RIMBP2: variants seen among roughly 807,000 people sequenced by gnomAD.
RIMBP2 encodes the protein RIMS-binding protein 2.
Under a neutral mutation model 118.6 loss-of-function variants are expected in RIMBP2, and 48 were observed. The observed-to-expected ratio is 0.40, with a 90% CI of 0.32 to 0.51. The LOEUF is 0.51. Ranked by LOEUF, RIMBP2 falls within the 20% of genes least tolerant of loss-of-function variation. The pLI is 0.41. For missense variants in RIMBP2, 1,551 were observed against 1,768.3 expected, an observed-to-expected ratio of 0.88 and a Z score of 2.20; for synonymous variants, 762 against 742.9, an observed-to-expected ratio of 1.03 and a Z score of -0.42.
intron 2 of RIMBP2, among the ~76,000 whole-genome samples, chr12:130,531,926 T>C (rs541329442): frequency 6.8e-6 from 1 of 147,900 alleles, no homozygotes; most frequent in South Asian, 2.2e-4. Context: ...TCTAATGAGA[T>C]GCGTATGTTT....
chr12:130,479,067 G>T, intron 4 of RIMBP2, 51 bp from the exon 5 acceptor site: 1 of 1,475,996 alleles, frequency 6.8e-7, no homozygotes, highest in Admixed American at 1.7e-5. Flanking sequence ...GTGCCCATGG[G>T]CGTGCATCCT....
chr12:130,506,187 G>A (rs559406567), intron 4 of RIMBP2, among the ~76,000 whole-genome samples: 1 of 152,070 alleles, frequency 6.6e-6, no homozygotes, highest in African/African-American at 2.4e-5. Flanking sequence ...CAGCTCATCA[G>A]GAATGCATGA....
intron 2 of RIMBP2, among the ~76,000 whole-genome samples, chr12:130,553,165 A>AG (rs113323991): frequency 0.13 from 19,658 of 150,040 alleles, 1,501 homozygotes; most frequent in Non-Finnish European, 0.19. Flanking sequence ...AAAAAAAAAA[A>AG]GAAAAGAAAA....
chr12:130,438,565 A>G (rs764463160), intron 11 of RIMBP2, 49 bp from the exon 12 acceptor site: 1 of 1,475,256 alleles, frequency 6.8e-7, no homozygotes, highest in Non-Finnish European at 9.0e-7. Flanking sequence ...CAGCCCTGGC[A>G]GGTGAGCCGT....
In RIMBP2 at chr12:130,525,698, G is replaced by T. The variant is rs2052705796; in HGVS notation, c.-216-7781C>A. Among the ~76,000 whole-genome samples, 1 of 152,158 alleles carries T rather than the reference G, an allele frequency of 6.6e-6. No homozygotes were observed. Among genetic ancestry groups the T allele is most frequent in the Non-Finnish European group, 1.5e-5 (1 of 68,028 alleles). ...GGGCACTTGGGGATGAGATCGTATGGGGGGAGATGACCCAAGGGGCTCATG... is the reference window on the plus strand; with the variant it reads ...GGGCACTTGGGGATGAGATCGTATGTGGGGAGATGACCCAAGGGGCTCATG... On this transcript the variant is annotated intron_variant, in intron 2 of 22. Coordinates refer to ENST00000690449, the MANE Select transcript of RIMBP2 (RefSeq NM_001393629.1). This position sits in a 1 kb window ranked among gnomAD's most constrained non-coding sequence, Gnocchi z 4.4.
At position 130,511,420 on chromosome 12, in the gene RIMBP2, G is replaced by A. The variant is rs549415066; in HGVS notation, c.-126-4650C>T. 1.3e-4 allele frequency among the ~76,000 whole-genome samples: 20 copies of A among 152,298 alleles called. No individual in the cohort carries two copies. Among genetic ancestry groups the A allele is most frequent in the Non-Finnish European group, 2.5e-4 (17 of 68,022 alleles). Reference sequence around the variant, plus strand: ...GCAGTCCTCGTTACCGCGAGCACGCGTCGAATTGTCACTCTACACCAACAA... The same window carrying A: ...GCAGTCCTCGTTACCGCGAGCACGCATCGAATTGTCACTCTACACCAACAA... On this transcript the variant is annotated intron_variant, in intron 3 of 22. Coordinates refer to ENST00000690449, the MANE Select transcript of RIMBP2 (RefSeq NM_001393629.1). The surrounding 1 kb of genome is among the most constrained non-coding windows in gnomAD (Gnocchi z 4.3).
intron 10 of RIMBP2, among the ~76,000 whole-genome samples, chr12:130,444,360 C>A (rs770851298): frequency 1.1e-4 from 17 of 152,162 alleles, no homozygotes; most frequent in Admixed American, 2.0e-4. Context: ...AAGTAAACAC[C>A]CAGGAAAAGC....
At chr12:130,479,250 T>C (rs1330038773) in intron 4 of RIMBP2, among the ~76,000 whole-genome samples, 1 of 152,220 alleles carries the variant, frequency 6.6e-6, no homozygotes, top group Admixed American at 6.5e-5. Flanking sequence ...CCTCTGCAGG[T>C]TCCAAATGCA....
rs1405012156 is a variant in RIMBP2 at position 130,646,112 on chromosome 12, TCCC to T, written c.-351-17659_-351-17657del. On this transcript the variant is annotated intron_variant, in intron 1 of 22. Transcript: ENST00000690449. ...TTCCCTCTCCACCTCCCTCTCCACC[TCCC>T]TCACCACCTGCCTCTCCACCTCCCT... 5.5e-4 allele frequency among the ~76,000 whole-genome samples: 72 copies of T among 131,342 alleles called. 5 individuals carry two copies. Among genetic ancestry groups the T allele is most frequent in the Middle Eastern group, 8.1e-3 (2 of 248 alleles). 86.2% of individuals were successfully genotyped at this position (131,342 alleles called of 152,430 possible).
chr12:130,702,373 G>C (rs1279887880), intron 1 of RIMBP2, among the ~76,000 whole-genome samples: 2 of 152,020 alleles, frequency 1.3e-5, no homozygotes, highest in Non-Finnish European at 2.9e-5. Flanking sequence ...AAAATTAACT[G>C]AGTGTGTTGG....
At chr12:130,461,032 G>A (rs1002588828) in intron 6 of RIMBP2, among the ~76,000 whole-genome samples, 1 of 152,150 alleles carries the variant, frequency 6.6e-6, no homozygotes, top group African/African-American at 2.4e-5. Flanking sequence ...CACCAGATAG[G>A]GCCAGTGGTT....
chr12:130,527,988 CT>C (rs1383920989), intron 2 of RIMBP2, among the ~76,000 whole-genome samples: 4 of 152,158 alleles, frequency 2.6e-5, no homozygotes, highest in Non-Finnish European at 2.9e-5. Flanking sequence ...CACTTTTACA[CT>C]GTTGATGGGG....
intron 4 of RIMBP2, among the ~76,000 whole-genome samples, chr12:130,502,195 G>A (rs1022124500): frequency 3.9e-5 from 6 of 152,128 alleles, no homozygotes; most frequent in Admixed American, 6.5e-5. Flanking sequence ...CGGCTGGACC[G>A]GAGGAGCTGT....
At chr12:130,417,040 G>A (rs922320041) in intron 17 of RIMBP2, among the ~76,000 whole-genome samples, 15 of 152,112 alleles carry the variant, frequency 9.9e-5, no homozygotes, top group Non-Finnish European at 2.2e-4. Flanking sequence ...ATCACAATGA[G>A]ATACCATCTC....
At chr12:130,692,682 A>G (rs767509518) in intron 1 of RIMBP2, among the ~76,000 whole-genome samples, 4 of 152,150 alleles carry the variant, frequency 2.6e-5, no homozygotes, top group Non-Finnish European at 4.4e-5. Context: ...TTAGCAAGGC[A>G]TAGCATGATC....
intron 2 of RIMBP2, among the ~76,000 whole-genome samples, chr12:130,592,786 G>C (rs1349890441): frequency 6.6e-6 from 1 of 152,176 alleles, no homozygotes; most frequent in African/African-American, 2.4e-5. Flanking sequence ...TTTGTGAGAA[G>C]AGCGTTTCGC....
At position 130,442,104 on chromosome 12, in the gene RIMBP2, C is replaced by T. The variant is rs779483577; in HGVS notation, c.1248G>A (p.Val416=). 4 of 1,614,008 alleles carry T rather than the reference C, an allele frequency of 2.5e-6. No individual in the cohort carries two copies. Among genetic ancestry groups the T allele is most frequent in the African/African-American group, 1.3e-5 (1 of 74,930 alleles). The change falls in exon 11 of 23, where the codon GTG becomes GTA. Residue 416 remains valine, a synonymous_variant. Coordinates refer to ENST00000690449, the MANE Select transcript of RIMBP2 (RefSeq NM_001393629.1). The surrounding 1 kb of genome is among the most constrained non-coding windows in gnomAD (Gnocchi z 6.9). ...GGGCGGAGATCTGCGTGATGTTGTC[C>T]ACCCGCAGGTGGGAGGGGGCCACCA... ...DVVVAPSHLR[V]DNITQISAQL...
Position 130,511,509 on chromosome 12 carries a change from C to T in RIMBP2, c.-126-4739G>A, listed in dbSNP as rs577956461. Among the ~76,000 whole-genome samples the T allele has an allele frequency of 2.0e-5, 3 of 152,348 alleles. No individual in the cohort carries two copies. In the East Asian group the frequency reaches 5.8e-4, roughly 29 times the overall value. On this transcript the variant is annotated intron_variant, in intron 3 of 22. Coordinates refer to ENST00000690449, the MANE Select transcript of RIMBP2 (RefSeq NM_001393629.1). The surrounding 1 kb of genome is among the most constrained non-coding windows in gnomAD (Gnocchi z 4.3). Reference sequence around the variant, plus strand: ...CTGGGTCCCACCCCTCCCTATTCCCCCAAGTCAAGGTTTGTCACTTCCTCT... The same window carrying T: ...CTGGGTCCCACCCCTCCCTATTCCCTCAAGTCAAGGTTTGTCACTTCCTCT...
At chr12:130,493,599 G>A (rs1313164146) in intron 4 of RIMBP2, among the ~76,000 whole-genome samples, 1 of 152,164 alleles carries the variant, frequency 6.6e-6, no homozygotes, top group Non-Finnish European at 1.5e-5. Context: ...CCAGGCGGGA[G>A]CCACCATGCC....
Sources: gnomAD v4.1 joint callset for allele counts (sites outside exome capture counted in the v4.1 genomes callset) on GRCh38, gnomAD v4.1.1 for gene constraint, Gnocchi (gnomAD v3.1) non-coding constraint, MANE v1.5 for transcripts, NCBI Gene and HGNC (gene_info 2026-07-23, HGNC 2026-07-21) for gene names.